The following PLXNA4 variants were observed in gnomAD, a reference collection of about 807,000 sequenced individuals.
The protein encoded by PLXNA4 is plexin-A4.
A neutral mutation model predicts 191.8 loss-of-function variants in PLXNA4; 44 were observed. The observed-to-expected ratio is 0.23, with a 90% CI of 0.18 to 0.29. PLXNA4 has a LOEUF of 0.29. PLXNA4 is among the 10% of genes least tolerant of loss of function. PLXNA4 has a pLI of 1.00. For synonymous variants in PLXNA4, 1,082 were observed against 1,009.5 expected (o/e 1.07, Z -1.36); for missense variants, 1,800 against 2,488.8 (o/e 0.72, Z 5.89).
At chr7:132,385,414 AG>A in intron 3 of PLXNA4, 1 of 1,356,696 alleles carries the variant, frequency 7.4e-7, no homozygotes, top group Non-Finnish European at 9.7e-7. Context: ...TCTGAAATAC[AG>A]TAAATATGTA....
At chr7:132,335,456 G>T (rs1373612187) in intron 3 of PLXNA4, among the ~76,000 whole-genome samples, 1 of 152,170 alleles carries the variant, frequency 6.6e-6, no homozygotes, top group East Asian at 1.9e-4. Flanking sequence ...AATCACTAGA[G>T]TTCATTCTCC....
At chr7:132,190,142 A>G (rs1797041151) in intron 14 of PLXNA4, among the ~76,000 whole-genome samples, 1 of 152,132 alleles carries the variant, frequency 6.6e-6, no homozygotes, top group African/African-American at 2.4e-5. Flanking sequence ...GGTGCACTAG[A>G]CCTTATGCTG....
Position 132,164,284 on chromosome 7 carries a change from C to A in PLXNA4, c.4358G>T (p.Cys1453Phe), listed in dbSNP as rs1796034329. 6.2e-7 allele frequency: 1 copy of A among 1,614,046 alleles called. No homozygotes were observed. The highest frequency in any genetic ancestry group is 8.5e-7 in the Non-Finnish European group (1 of 1,180,022). Residue 1453 changes from cysteine (C) to phenylalanine (F), a missense_variant, in exon 24 of 32, where the codon TGT becomes TTT. Cys to Phe is a radical substitution (Grantham distance 205). This residue lies in a region of PLXNA4 where 214 missense variants were observed against 298.2 expected (regional missense o/e 0.72). Transcript: ENST00000321063. ...TFLLYKFLKE[C>F]AGEPLFSLFC... ...CAGGGAGAAGAGGGGCTCCCCAGCA[C>A]ACTCCTGGAGGTGAGAAGAACGTCA...
At chr7:132,378,984 G>C (rs145370381) in intron 3 of PLXNA4, among the ~76,000 whole-genome samples, 7 of 151,658 alleles carry the variant, frequency 4.6e-5, no homozygotes, top group African/African-American at 1.7e-4. Flanking sequence ...CTGAGTAGCT[G>C]GGATTATAGG....
At chr7:132,555,313 A>G (rs780933845) in intron 1 of PLXNA4, among the ~76,000 whole-genome samples, 4 of 152,182 alleles carry the variant, frequency 2.6e-5, no homozygotes, top group Non-Finnish European at 5.9e-5. Flanking sequence ...AATTAATGCA[A>G]TGGGACCAGC....
intron 10 of PLXNA4, 67 bp from the exon 11 acceptor site, chr7:132,203,486 A>C: frequency 7.2e-7 from 1 of 1,386,388 alleles, no homozygotes; most frequent in Non-Finnish European, 1.0e-6. Flanking sequence ...GAGGGCCCAA[A>C]TGATCAGCCT....
At chr7:132,490,994 G>A (rs1256842196) in intron 2 of PLXNA4, among the ~76,000 whole-genome samples, 1 of 152,182 alleles carries the variant, frequency 6.6e-6, no homozygotes, top group East Asian at 1.9e-4. Context: ...AGTAGCTGGT[G>A]AAAAGCCCTC....
At chr7:132,503,845 C>T (rs1798352393) in intron 2 of PLXNA4, among the ~76,000 whole-genome samples, 1 of 152,168 alleles carries the variant, frequency 6.6e-6, no homozygotes, top group Non-Finnish European at 1.5e-5. Flanking sequence ...CTCATGAGAT[C>T]CTCAGAGTTA....
chr7:132,230,620 G>C (rs1033209047), intron 5 of PLXNA4, among the ~76,000 whole-genome samples: 5 of 152,160 alleles, frequency 3.3e-5, no homozygotes, highest in Non-Finnish European at 5.9e-5. Context: ...TACCAGGCCA[G>C]CTCCTCTGCG....
At chr7:132,323,905 C>A (rs1420361341) in intron 3 of PLXNA4, among the ~76,000 whole-genome samples, 1 of 152,052 alleles carries the variant, frequency 6.6e-6, no homozygotes, top group Non-Finnish European at 1.5e-5. Context: ...TTTCTCCAAG[C>A]AGAAATGATG....
At chr7:132,427,760 C>T (rs1051227910) in intron 3 of PLXNA4, among the ~76,000 whole-genome samples, 1 of 152,198 alleles carries the variant, frequency 6.6e-6, no homozygotes, top group Non-Finnish European at 1.5e-5. Flanking sequence ...CTGCCCGATG[C>T]CTTCTCTAGA....
upstream of PLXNA4, among the ~76,000 whole-genome samples, chr7:132,580,814 GC>G (rs1335297601): frequency 2.0e-5 from 3 of 152,186 alleles, no homozygotes; most frequent in Admixed American, 2.0e-4. Flanking sequence ...CCCAAGAGCT[GC>G]CCCCATGGCT....
chr7:132,429,113 C>T lies in PLXNA4; in HGVS notation c.1371+60179G>A, dbSNP rs73158825. Among the ~76,000 whole-genome samples, 643 of 152,218 alleles carry T rather than the reference C, an allele frequency of 4.2e-3. 12 individuals are homozygous for T. The highest frequency in any genetic ancestry group is 5.5e-3 in the Non-Finnish European group (374 of 68,024). On this transcript the variant is annotated intron_variant, in intron 3 of 31. Transcript: ENST00000321063. ...AATAGCCATGTAGACTACAGAACCA[C>T]GTCCCCCTTCAAGATCATGCAGCCC... is the stretch of plus-strand genomic sequence containing the variant.
chr7:132,154,413 GTTTTT>G (rs56270651), intron 25 of PLXNA4, among the ~76,000 whole-genome samples: 3 of 146,804 alleles, frequency 2.0e-5, no homozygotes, highest in African/African-American at 5.0e-5. Context: ...AAAACGTTCT[GTTTTT>G]TTTTTTTTTT....
At chr7:132,613,877 C>T (rs1042439314) in intron 2 of PLXNA4, among the ~76,000 whole-genome samples, 1 of 152,188 alleles carries the variant, frequency 6.6e-6, no homozygotes. Flanking sequence ...AAATGTTCCA[C>T]AGTTCTGAAG....
chr7:132,175,041 G>C, intron 20 of PLXNA4, 121 bp from the exon 21 acceptor site: 1 of 1,451,868 alleles, frequency 6.9e-7, no homozygotes, highest in African/African-American at 1.4e-5. Context: ...GACCACGATG[G>C]GCGGGAATAA....
intron 2 of PLXNA4, among the ~76,000 whole-genome samples, chr7:132,596,748 A>G (rs1000779301): frequency 6.6e-6 from 1 of 151,942 alleles, no homozygotes; most frequent in Admixed American, 6.6e-5. Context: ...AAATACCATT[A>G]AGAAGGAAGG....
intron 2 of PLXNA4, among the ~76,000 whole-genome samples, chr7:132,644,015 T>A (rs1803806536): frequency 6.6e-6 from 1 of 152,194 alleles, no homozygotes; most frequent in South Asian, 2.1e-4. Flanking sequence ...ATAAGTATTA[T>A]TTTGTGAAAA....
At chr7:132,132,078 G>A (rs1180310517) in intron 31 of PLXNA4, among the ~76,000 whole-genome samples, 1 of 152,262 alleles carries the variant, frequency 6.6e-6, no homozygotes, top group African/African-American at 2.4e-5. Context: ...CAGGGAATTT[G>A]GATTCCAAGG....
Sources: allele counts gnomAD v4.1 joint callset (sites outside exome capture counted in the v4.1 genomes callset), GRCh38; gene constraint gnomAD v4.1.1; regional missense constraint gnomAD v4.1.1; transcripts MANE v1.5; gene names NCBI Gene and HGNC (gene_info 2026-07-23, HGNC 2026-07-21).